DIAPH3: variants seen among roughly 807,000 people sequenced by gnomAD.
The protein encoded by DIAPH3 is protein diaphanous homolog 3.
Under a neutral mutation model 144.3 loss-of-function variants are expected in DIAPH3, and 117 were observed. The observed-to-expected ratio is 0.81, with a 90% CI of 0.70 to 0.95. The LOEUF is 0.95. Ranked by LOEUF, DIAPH3 falls within the 40% of genes least tolerant of loss-of-function variation. The pLI, the probability that DIAPH3 is intolerant of heterozygous loss-of-function variation, is 0.00. For missense variants in DIAPH3, 1,421 were observed against 1,412.7 expected (o/e 1.01, Z -0.09); for synonymous variants, 519 against 488.9 (o/e 1.06, Z -0.81).
intron 27 of DIAPH3, among the ~76,000 whole-genome samples, chr13:59,772,256 T>C (rs1402136362): frequency 6.6e-6 from 1 of 152,080 alleles, no homozygotes; most frequent in Non-Finnish European, 1.5e-5. Flanking sequence ...TTTTTGAACA[T>C]CTAGTCCAAT....
At chr13:59,913,686 T>C (rs991903626) in intron 19 of DIAPH3, among the ~76,000 whole-genome samples, 2 of 152,114 alleles carry the variant, frequency 1.3e-5, no homozygotes, top group Non-Finnish European at 2.9e-5. Flanking sequence ...CAGCCGGGCA[T>C]GGTGGCTCAC....
intron 12 of DIAPH3, among the ~76,000 whole-genome samples, chr13:59,988,502 T>C (rs566244607): frequency 1.3e-5 from 2 of 152,000 alleles, no homozygotes; most frequent in East Asian, 1.9e-4. Context: ...AGTTCATCTA[T>C]AATGTGGCTG....
chr13:60,069,973 C>G (rs939114420), intron 4 of DIAPH3, among the ~76,000 whole-genome samples: 2 of 152,138 alleles, frequency 1.3e-5, no homozygotes, highest in Non-Finnish European at 2.9e-5. Context: ...TTTTTTGGCT[C>G]ACAGAATTTA....
chr13:59,973,992 G>A (rs1268075380), intron 15 of DIAPH3, among the ~76,000 whole-genome samples: 1 of 152,044 alleles, frequency 6.6e-6, no homozygotes, highest in Non-Finnish European at 1.5e-5. Flanking sequence ...TAGGCTGAAG[G>A]TTTTAAAAAA....
chr13:59,811,465 A>G (rs1566346537), intron 24 of DIAPH3, among the ~76,000 whole-genome samples: 1 of 152,146 alleles, frequency 6.6e-6, no homozygotes, highest in Admixed American at 6.5e-5. Context: ...TTGGCCGGGC[A>G]CAGTGGCTCA....
At chr13:59,854,827 G>A (rs572870935) in intron 22 of DIAPH3, among the ~76,000 whole-genome samples, 1 of 152,250 alleles carries the variant, frequency 6.6e-6, no homozygotes, top group South Asian at 2.1e-4. Flanking sequence ...ACTGTAAACT[G>A]TTAGTTTCTC....
At chr13:59,899,024 C>T (rs2046288803) in intron 20 of DIAPH3, among the ~76,000 whole-genome samples, 1 of 152,116 alleles carries the variant, frequency 6.6e-6, no homozygotes, top group Admixed American at 6.5e-5. Flanking sequence ...CATCTTTCTC[C>T]CATGCTGGAT....
chr13:60,104,922 C>T (rs915712387), intron 3 of DIAPH3, among the ~76,000 whole-genome samples: 3 of 151,800 alleles, frequency 2.0e-5, no homozygotes, highest in African/African-American at 7.3e-5. Flanking sequence ...GGTGAAACCC[C>T]GTCTCTGCTA....
At chr13:59,885,448 TAAAAA>T (rs67977635) in intron 20 of DIAPH3, among the ~76,000 whole-genome samples, 1 of 93,062 alleles carries the variant, frequency 1.1e-5, no homozygotes, top group Non-Finnish European at 2.0e-5. Context: ...CTTCTTTCAC[TAAAAA>T]AAAAAAAAAA....
chr13:60,018,592 C>T (rs1195606168), intron 5 of DIAPH3, among the ~76,000 whole-genome samples: 1 of 152,108 alleles, frequency 6.6e-6, no homozygotes, highest in Non-Finnish European at 1.5e-5. Context: ...AGAATTTATG[C>T]CTACTCATGT....
intron 2 of DIAPH3, among the ~76,000 whole-genome samples, chr13:60,129,157 A>C (rs2059071980): frequency 6.6e-6 from 1 of 152,194 alleles, no homozygotes; most frequent in Admixed American, 6.5e-5. Flanking sequence ...ACACTGATGG[A>C]TAATTTAGCA....
intron 27 of DIAPH3, among the ~76,000 whole-genome samples, chr13:59,674,594 G>T (rs998508210): frequency 6.6e-6 from 1 of 151,974 alleles, no homozygotes; most frequent in South Asian, 2.1e-4. Flanking sequence ...TCTCCATCAC[G>T]ATCTCACAGC....
At chr13:60,154,152 T>C (rs1456075917) in intron 1 of DIAPH3, among the ~76,000 whole-genome samples, 1 of 152,166 alleles carries the variant, frequency 6.6e-6, no homozygotes, top group African/African-American at 2.4e-5. Context: ...AAATATCCAA[T>C]GTATTCCTAA....
At chr13:59,981,356 G>C (rs540992761) in intron 13 of DIAPH3, among the ~76,000 whole-genome samples, 123 of 151,362 alleles carry the variant, frequency 8.1e-4, no homozygotes, top group African/African-American at 2.9e-3. Context: ...GTTGACATGA[G>C]GAAACCAATA....
chr13:59,680,771 A>G (rs991256891), intron 27 of DIAPH3, among the ~76,000 whole-genome samples: 10 of 152,106 alleles, frequency 6.6e-5, no homozygotes, highest in African/African-American at 2.4e-4. Context: ...TTAATTAATT[A>G]TTCTATTTCT....
rs2048599926 is a variant in DIAPH3, at chr13:59,942,769, T to A, written c.2075-17899A>T. Among the ~76,000 whole-genome samples the A allele has an allele frequency of 2.0e-5, 3 of 152,130 alleles. No individual in the cohort carries two copies. The South Asian group carries it at 6.2e-4, about 32-fold the overall frequency. Reference sequence around the variant, plus strand: ...ACAATTGAAGGGTTTTTTTCCTTAATTAAATGAGCTCATACCATATACATT... The same window carrying A: ...ACAATTGAAGGGTTTTTTTCCTTAAATAAATGAGCTCATACCATATACATT... On this transcript the variant is annotated intron_variant, in intron 17 of 27. Transcript: ENST00000400324.
chr13:60,110,750 A>G (rs967058934), intron 3 of DIAPH3, among the ~76,000 whole-genome samples: 7 of 152,252 alleles, frequency 4.6e-5, no homozygotes, highest in African/African-American at 1.4e-4. Context: ...ATCTAATGCC[A>G]ATAGGTAGAC....
chr13:59,714,323 G>A (rs931235862), intron 27 of DIAPH3, among the ~76,000 whole-genome samples: 6 of 134,900 alleles, frequency 4.4e-5, no homozygotes, highest in Non-Finnish European at 6.1e-5. Flanking sequence ...TCCCGCCACT[G>A]CACTCCAGCC....
intron 18 of DIAPH3, 145 bp from the exon 19 acceptor site, chr13:59,916,394 TG>T (rs1222622024): frequency 1.5e-6 from 1 of 679,866 alleles, no homozygotes; most frequent in Non-Finnish European, 2.5e-6. Context: ...AAACATATTA[TG>T]GGGGAAACTT....
Sources: allele counts gnomAD v4.1 joint callset (sites outside exome capture counted in the v4.1 genomes callset), GRCh38; gene constraint gnomAD v4.1.1; transcripts MANE v1.5; gene names NCBI Gene and HGNC (gene_info 2026-07-23, HGNC 2026-07-21).